The following DMXL1 variants were observed in gnomAD, a reference collection of about 807,000 sequenced individuals.
DMXL1 encodes the protein dmX-like protein 1.
In DMXL1, 99 loss-of-function variants were observed where a neutral mutation model predicts 319.2. The observed-to-expected ratio is 0.31, with a 90% CI of 0.26 to 0.37. The LOEUF is 0.37. Among genes scored for constraint, DMXL1 ranks in the 10% least tolerant of loss-of-function variants. The pLI, the probability that DMXL1 is intolerant of heterozygous loss-of-function variation, is 1.00. For synonymous variants in DMXL1, 1,385 were observed against 1,235.2 expected (o/e 1.12, Z -2.54); for missense variants, 3,745 against 3,595.6 (o/e 1.04, Z -1.06).
chr5:119,102,456 G>A (rs370425495), intron 3 of DMXL1, among the ~76,000 whole-genome samples: 1 of 152,070 alleles, frequency 6.6e-6, no homozygotes, highest in African/African-American at 2.4e-5. Context: ...TTCTTTATAA[G>A]CAAGCTGTAC....
chr5:119,247,389 A>G lies in DMXL1; in HGVS notation c.*170A>G, dbSNP rs188774376. On this transcript the variant is annotated 3_prime_UTR_variant, in exon 44 of 44. Coordinates refer to ENST00000539542, the MANE Select transcript of DMXL1 (RefSeq NM_001290321.3). ...TGATGCCTTAAAAATTAACAAGGTC[A>G]TTCAGAAGTAGATTACATTGCCTAA... 2 of 541,364 alleles carry G rather than the reference A, an allele frequency of 3.7e-6. No individual in the cohort carries two copies. Among genetic ancestry groups the G allele is most frequent in the African/African-American group, 3.8e-5 (2 of 52,964 alleles). 33.5% of individuals were successfully genotyped at this position (541,364 alleles called of 1,614,324 possible).
intron 6 of DMXL1, among the ~76,000 whole-genome samples, chr5:119,115,105 G>A (rs573823474): frequency 4.4e-4 from 67 of 152,326 alleles, no homozygotes; most frequent in South Asian, 4.1e-3. Context: ...CCTTGGGCAA[G>A]TTAATCTTAT....
intron 1 of DMXL1, chr5:119,081,475 A>G (rs1752176380): frequency 1.4e-6 from 1 of 737,556 alleles, no homozygotes; most frequent in Non-Finnish European, 1.7e-6. Context: ...TTTAATGTGT[A>G]AAAACTGCTT....
intron 13 of DMXL1, among the ~76,000 whole-genome samples, chr5:119,141,127 G>T (rs1471684228): frequency 6.6e-6 from 1 of 152,104 alleles, no homozygotes; most frequent in Non-Finnish European, 1.5e-5. Flanking sequence ...AGCTATCTTT[G>T]ACAGACTCTC....
chr5:119,194,567 A>G (rs1282818644), intron 30 of DMXL1, among the ~76,000 whole-genome samples: 1 of 152,208 alleles, frequency 6.6e-6, no homozygotes, highest in African/African-American at 2.4e-5. Context: ...TGTGATAAAA[A>G]ATGTGAATTT....
chr5:119,144,709 G>A, intron 15 of DMXL1, 71 bp downstream of exon 15: 1 of 936,272 alleles, frequency 1.1e-6, no homozygotes, highest in Non-Finnish European at 1.5e-6. Flanking sequence ...AAGATGAATT[G>A]GTAAAATGCT....
intron 1 of DMXL1, among the ~76,000 whole-genome samples, chr5:119,072,080 T>G (rs1403454049): frequency 6.6e-6 from 1 of 152,176 alleles, no homozygotes; most frequent in Non-Finnish European, 1.5e-5. Context: ...AGTTAAAAAG[T>G]GGGTGTCTCA....
chr5:119,102,196 C>T, intron 3 of DMXL1, 190 bp downstream of exon 3: 1 of 401,558 alleles, frequency 2.5e-6, no homozygotes, highest in Non-Finnish European at 4.5e-6. Flanking sequence ...ATAAATTGTG[C>T]CAATGAATTG....
intron 9 of DMXL1, 32 bp from the exon 10 acceptor site, chr5:119,129,179 A>G (rs1764258354): frequency 2.8e-6 from 4 of 1,424,118 alleles, no homozygotes; most frequent in Non-Finnish European, 2.9e-6. Context: ...AGAAGGTAAA[A>G]ATTTTAATTT....
chr5:119,145,500 G>A (rs1326903014), intron 15 of DMXL1, among the ~76,000 whole-genome samples: 1 of 151,632 alleles, frequency 6.6e-6, no homozygotes, highest in African/African-American at 2.4e-5. Flanking sequence ...GGGGATTAAA[G>A]ATATCAGGCG....
chr5:119,193,270 A>G (rs1779013571), intron 29 of DMXL1, among the ~76,000 whole-genome samples: 1 of 152,036 alleles, frequency 6.6e-6, no homozygotes, highest in South Asian at 2.1e-4. Context: ...TTCTCCCAGC[A>G]TTTTTTTGCT....
intron 1 of DMXL1, among the ~76,000 whole-genome samples, chr5:119,093,317 G>A (rs1755209373): frequency 6.6e-6 from 1 of 152,062 alleles, no homozygotes; most frequent in Non-Finnish European, 1.5e-5. Context: ...CATATTTTTA[G>A]TAGAGACTGG....
In DMXL1 at chr5:119,175,148, A is replaced by C. The variant is rs143536995; in HGVS notation, c.6682-113A>C. ...AAAAAAGGAAATAGTTCATGAAGGC[A>C]AAGAATCAAAAATTTTTTCATTCTT... is the stretch of plus-strand genomic sequence containing the variant. On this transcript the variant is annotated intron_variant, in intron 25 of 43. Transcript: ENST00000539542. 454 of 673,766 alleles carry C rather than the reference A, an allele frequency of 6.7e-4. 3 individuals are homozygous for C. The East Asian group carries it at 0.014, about 20-fold the overall frequency. The allele number at this position is 673,766 out of a possible 1,614,324, so 41.7% of individuals were successfully genotyped here. A position where few individuals can be genotyped will look rare whatever the true frequency, so the allele number is the denominator to read the frequency against.
chr5:119,164,338 TAC>T (rs1377825080), intron 19 of DMXL1, among the ~76,000 whole-genome samples, 167 bp from the exon 20 acceptor site: 8 of 152,308 alleles, frequency 5.3e-5, no homozygotes, highest in East Asian at 1.9e-4. Flanking sequence ...ATTGGAGTGA[TAC>T]AGTTATTTGA....
rs762781488 is a variant in DMXL1 at position 119,121,038 on chromosome 5, T to A, written c.1001T>A (p.Leu334Gln). The A allele has an allele frequency of 1.2e-6, 2 of 1,613,760 alleles. No homozygotes were observed. Among genetic ancestry groups the A allele is most frequent in the Admixed American group, 3.3e-5 (2 of 59,868 alleles). The stretch of plus-strand genomic sequence containing the variant: ...GCTCTTGTAGCACATACGGGATATC[T>A]ACCACATCAGCAGGATCCTCATCAT... Reference protein sequence around the residue: ...SLALVAHTGYLPHQQDPHHVH... With the variant: ...SLALVAHTGYQPHQQDPHHVH... The change falls in exon 9 of 44, where the codon CTA becomes CAA. Residue 334 changes from leucine to glutamine, a missense_variant. This residue lies in a region of DMXL1 where 2,096 missense variants were observed against 1,985.4 expected (regional missense o/e 1.06). Transcript: ENST00000539542.
chr5:119,124,503 C>G (rs969870057), intron 9 of DMXL1, among the ~76,000 whole-genome samples: 1 of 150,122 alleles, frequency 6.7e-6, no homozygotes, highest in Non-Finnish European at 1.5e-5. Flanking sequence ...TAAGTAAAAA[C>G]TAGTTGTTGT....
intron 13 of DMXL1, among the ~76,000 whole-genome samples, chr5:119,141,418 T>A (rs921273022): frequency 1.3e-5 from 2 of 152,044 alleles, no homozygotes; most frequent in Non-Finnish European, 2.9e-5. Context: ...GATACAAAAA[T>A]TAATGTAGAA....
At chr5:119,176,261 G>A (rs554359049) in intron 26 of DMXL1, among the ~76,000 whole-genome samples, 2 of 151,974 alleles carry the variant, frequency 1.3e-5, no homozygotes, top group Admixed American at 1.3e-4. Context: ...TGATAAGTTG[G>A]GTTTCTCAGG....
At chr5:119,102,676 T>G (rs578193192) in intron 3 of DMXL1, among the ~76,000 whole-genome samples, 9 of 152,254 alleles carry the variant, frequency 5.9e-5, no homozygotes, top group South Asian at 4.1e-4. Flanking sequence ...ATGCCTATAG[T>G]CTCACCTGCT....
Sources: allele counts gnomAD v4.1 joint callset (sites outside exome capture counted in the v4.1 genomes callset), GRCh38; gene constraint gnomAD v4.1.1; regional missense constraint gnomAD v4.1.1; transcripts MANE v1.5; gene names NCBI Gene and HGNC (gene_info 2026-07-23, HGNC 2026-07-21).